ARHGEF1: variants seen among roughly 807,000 people sequenced by gnomAD.
ARHGEF1 encodes the protein 115 kDa guanine nucleotide exchange factor.
Under a neutral mutation model 119.7 loss-of-function variants are expected in ARHGEF1, and 40 were observed. The observed-to-expected ratio is 0.33, with a 90% CI of 0.26 to 0.44. The LOEUF (loss-of-function observed/expected upper bound fraction) is 0.44, where lower values mean the gene tolerates loss of function less well. Ranked by LOEUF, ARHGEF1 falls within the 20% of genes least tolerant of loss-of-function variation. The pLI is 1.00. For missense variants in ARHGEF1, 976 were observed against 1,268.3 expected, an observed-to-expected ratio of 0.77 and a Z score of 3.50; for synonymous variants, 494 against 521.0, an observed-to-expected ratio of 0.95 and a Z score of 0.71.
chr19:41,896,763 AC>A, intron 13 of ARHGEF1: 1 of 498,372 alleles, frequency 2.0e-6, no homozygotes, highest in Non-Finnish European at 3.6e-6. Context: ...CTTCCTCTCC[AC>A]CACTCCTTCC....
Position 41,903,527 on chromosome 19 carries a change from C to CTG in ARHGEF1, c.1839+124_1839+125dup, listed in dbSNP as rs782805823. ...CTTGGCTTGTCTCCCTCAAGGGTCA[C>CTG]TGTGTCCAGGGGTTGGCTTGGCCCT... On this transcript the variant is annotated intron_variant, in intron 19 of 28. Coordinates refer to ENST00000354532, the MANE Select transcript of ARHGEF1 (RefSeq NM_004706.4). The surrounding 1 kb of genome is among the most constrained non-coding windows in gnomAD (Gnocchi z 4.2). The CTG allele has an allele frequency of 1, 1,074,511 of 1,074,762 alleles. 537,133 individuals are homozygous for CTG. Among genetic ancestry groups the CTG allele is most frequent in the Middle Eastern group, 1 (4,998 of 4,998 alleles). The allele number at this position is 1,074,762 out of a possible 1,614,324, so 66.6% of individuals were successfully genotyped here.
At chr19:41,908,795 A>C (rs1251021872), downstream of ARHGEF1, 5 of 474,794 alleles carry the variant, frequency 1.1e-5, no homozygotes, top group African/African-American at 4.6e-5. The surrounding 1 kb of genome is among the most constrained non-coding windows in gnomAD (Gnocchi z 6.7). Context: ...ATGGCATCTT[A>C]CCCCCTCATA....
At chr19:41,884,362 G>C in intron 1 of ARHGEF1, 1 of 1,498,918 alleles carries the variant, frequency 6.7e-7, no homozygotes, top group Non-Finnish European at 9.0e-7. Context: ...GGCAGGAGGA[G>C]TGGAGCTGGG....
At position 41,883,263 on chromosome 19, in the gene ARHGEF1, C is replaced by A. The variant is rs3745224; in HGVS notation, c.-46C>A. The A allele has an allele frequency of 3.5e-5, 7 of 200,486 alleles. No homozygotes were observed. The East Asian group carries it at 1.1e-3, about 32-fold the overall frequency. 12.4% of individuals were successfully genotyped at this position (200,486 alleles called of 1,614,324 possible). On this transcript the variant is annotated 5_prime_UTR_variant, in exon 1 of 29. Coordinates refer to ENST00000354532, the MANE Select transcript of ARHGEF1 (RefSeq NM_004706.4). This position sits in a 1 kb window ranked among gnomAD's most constrained non-coding sequence, Gnocchi z 7.6. Reference sequence around the variant, plus strand: ...TCGCCGAGCCCGACCTCGGGCGCCCCGCCGGTCACCTCCGCGCGGACACCA... The same window carrying A: ...TCGCCGAGCCCGACCTCGGGCGCCCAGCCGGTCACCTCCGCGCGGACACCA...
At chr19:41,898,188 C>T in intron 13 of ARHGEF1, 1 of 1,409,764 alleles carries the variant, frequency 7.1e-7, no homozygotes, top group East Asian at 2.7e-5. Context: ...GTCAGAGTCA[C>T]AGAGGAATGG....
rs2074811295 is a variant in ARHGEF1 at position 41,917,852 on chromosome 19, G to A, written c.1866-5240G>A. On this transcript the variant is annotated intron_variant, in intron 18 of 20. Coordinates refer to the ARHGEF1 transcript ENST00000599589. The surrounding 1 kb of genome is among the most constrained non-coding windows in gnomAD (Gnocchi z 4.8). ...GGACGGCTGCCAGCCCCACCCATCTGTTGCCACACAAACGAGCCCCCAACA... is the reference window on the plus strand; with the variant it reads ...GGACGGCTGCCAGCCCCACCCATCTATTGCCACACAAACGAGCCCCCAACA... Among the ~76,000 whole-genome samples, 1 of 151,840 alleles carries A rather than the reference G, an allele frequency of 6.6e-6. No homozygotes were observed. Among genetic ancestry groups the A allele is most frequent in the Non-Finnish European group, 1.5e-5 (1 of 67,962 alleles).
In ARHGEF1 at chr19:41,902,341, C is replaced by G. The variant is rs140077307; in HGVS notation, c.1482C>G (p.Asp494Glu). The change falls in exon 16 of 29, where the codon GAC becomes GAG. Residue 494 changes from aspartate to glutamate, a missense_variant. Transcript: ENST00000354532. This position sits in a 1 kb window ranked among gnomAD's most constrained non-coding sequence, Gnocchi z 6.5. ...ESGYLIEEIG[D>E]VLLARFDGAE... ...GCTACCTCATCGAGGAGATCGGAGA[C>G]GTGCTGCTGGCCCGGGTGAGATGCC... 2.5e-6 allele frequency: 4 copies of G among 1,613,986 alleles called. No individual in the cohort carries two copies. The highest frequency in any genetic ancestry group is 1.3e-5 in the African/African-American group (1 of 74,924).
rs1555849545 is a variant in ARHGEF1, at chr19:41,903,868, C to G, written c.1917+84C>G. 6.8e-7 allele frequency: 1 copy of G among 1,472,648 alleles called. No homozygotes were observed. The highest frequency in any genetic ancestry group is 9.5e-7 in the Non-Finnish European group (1 of 1,056,978). The allele number at this position is 1,472,648 out of a possible 1,614,324, so 91.2% of individuals were successfully genotyped here. A position where few individuals can be genotyped will look rare whatever the true frequency, so the allele number is the denominator to read the frequency against. The stretch of plus-strand genomic sequence containing the variant: ...TGATACAGCCCCCAGCCTGTCCTGC[C>G]CATCCCATAATACACCCAGGAAGCG... On this transcript the variant is annotated intron_variant, in intron 20 of 28. Transcript: ENST00000354532. This position sits in a 1 kb window ranked among gnomAD's most constrained non-coding sequence, Gnocchi z 4.2.
At position 41,916,311 on chromosome 19, in the gene ARHGEF1, A is replaced by G. The variant is rs757124094; in HGVS notation, c.1866-6781A>G. On this transcript the variant is annotated intron_variant, in intron 18 of 20. Coordinates refer to the ARHGEF1 transcript ENST00000599589. The surrounding 1 kb of genome is among the most constrained non-coding windows in gnomAD (Gnocchi z 5.4). ...TCACACACAGCACCACGTCCCACAC[A>G]ACACATCACACACACCAACAAAGCA... is the stretch of plus-strand genomic sequence containing the variant. Among the ~76,000 whole-genome samples the G allele has an allele frequency of 3.7e-4, 56 of 151,888 alleles. 1 individual carries two copies. The highest frequency in any genetic ancestry group is 6.8e-4 in the Non-Finnish European group (46 of 67,930).
At chr19:41,913,552 C>T (rs1317394935) in intron 18 of ARHGEF1, among the ~76,000 whole-genome samples, 3 of 151,578 alleles carry the variant, frequency 2.0e-5, no homozygotes, top group Non-Finnish European at 2.9e-5. Flanking sequence ...AGTCCTCTAC[C>T]CCACAGGGCA....
chr19:41,913,031 G>A, intron 18 of ARHGEF1: 1 of 450,280 alleles, frequency 2.2e-6, no homozygotes, highest in Non-Finnish European at 3.7e-6. Flanking sequence ...CCTCTCCCAG[G>A]TCCCCACCCC....
At chr19:41,920,224 A>G (rs1260462693), upstream of ARHGEF1, among the ~76,000 whole-genome samples, 1 of 125,698 alleles carries the variant, frequency 8.0e-6, no homozygotes, top group Non-Finnish European at 1.6e-5. Flanking sequence ...CAGACGTGAC[A>G]CTCAGACGTG....
At chr19:41,901,738 C>A in intron 14 of ARHGEF1, 149 bp from the exon 15 acceptor site, 1 of 989,164 alleles carries the variant, frequency 1.0e-6, no homozygotes, top group Non-Finnish European at 1.4e-6. Context: ...CAAGTGTGAA[C>A]CACCATGGCT....
intron 7 of ARHGEF1, 164 bp from the exon 8 acceptor site, chr19:41,893,110 C>T: frequency 9.5e-7 from 1 of 1,052,760 alleles, no homozygotes; most frequent in Middle Eastern, 3.0e-4. Context: ...GATGAGAGAC[C>T]TCCCTCCCTC....
Position 41,888,310 on chromosome 19 carries a change from C to G in ARHGEF1, c.111+32C>G. On this transcript the variant is annotated intron_variant, in intron 3 of 28. Transcript: ENST00000354532. This position sits in a 1 kb window ranked among gnomAD's most constrained non-coding sequence, Gnocchi z 5.1. ...GGGAGATAGGGTGGAAAAGCTCTGT[C>G]CCAGGCTCAGTGTCCCGCCCCAGGT... The G allele has an allele frequency of 6.2e-7, 1 of 1,607,972 alleles. No homozygotes were observed. Among genetic ancestry groups the G allele is most frequent in the East Asian group, 2.2e-5 (1 of 44,860 alleles).
intron 1 of ARHGEF1, among the ~76,000 whole-genome samples, chr19:41,886,446 C>T (rs1034049703): frequency 3.9e-5 from 6 of 152,084 alleles, no homozygotes; most frequent in Non-Finnish European, 8.8e-5. Context: ...CCTCCACGTC[C>T]GTGGTCATGT....
At chr19:41,915,217 G>C (rs922682856) in intron 18 of ARHGEF1, among the ~76,000 whole-genome samples, 1 of 120,022 alleles carries the variant, frequency 8.3e-6, no homozygotes, top group East Asian at 2.8e-4. Context: ...CGCCTCCTCC[G>C]GACACGTTAT....
intron 4 of ARHGEF1, among the ~76,000 whole-genome samples, chr19:41,891,047 G>T (rs1191894210): frequency 6.6e-6 from 1 of 152,172 alleles, no homozygotes; most frequent in African/African-American, 2.4e-5. Context: ...GGGCACTCAG[G>T]AAATGCTTGA....
chr19:41,905,752 C>T lies in ARHGEF1; in HGVS notation c.2337-8C>T, dbSNP rs1568825694. Reference sequence around the variant, plus strand: ...GGTGTGGGGTCACCCAGCACTTCCTCCCCTCAGCACCCGAGAACCCCTCCT... The same window carrying T: ...GGTGTGGGGTCACCCAGCACTTCCTTCCCTCAGCACCCGAGAACCCCTCCT... On this transcript the variant is annotated splice_polypyrimidine_tract_variant and splice_region_variant and intron_variant, in intron 24 of 28. Transcript: ENST00000354532. The surrounding 1 kb of genome is among the most constrained non-coding windows in gnomAD (Gnocchi z 6.4). 1.2e-6 allele frequency: 2 copies of T among 1,613,928 alleles called. No homozygotes were observed. Among genetic ancestry groups the T allele is most frequent in the Non-Finnish European group, 1.7e-6 (2 of 1,179,966 alleles).
Sources: gnomAD v4.1 joint callset for allele counts (sites outside exome capture counted in the v4.1 genomes callset) on GRCh38, gnomAD v4.1.1 for gene constraint, Gnocchi (gnomAD v3.1) non-coding constraint, MANE v1.5 for transcripts, NCBI Gene and HGNC (gene_info 2026-07-23, HGNC 2026-07-21) for gene names.